Variants in FSD1L observed in about 807,000 individuals in gnomAD.
FSD1L encodes the protein fibronectin type III and SPRY domain containing 1 like, also known as FSD1-like protein.
FSD1L carries 45 observed loss-of-function variants against 71.6 expected under a neutral mutation model. The observed-to-expected ratio is 0.63, with a 90% CI of 0.49 to 0.81. FSD1L has a LOEUF of 0.81. Ranked by LOEUF, FSD1L falls within the 30% of genes least tolerant of loss-of-function variation. The probability of loss-of-function intolerance (pLI) is 0.00; values close to 1 mark genes in which losing one functional copy is unlikely to be tolerated. For missense variants in FSD1L, 561 were observed against 618.1 expected, an observed-to-expected ratio of 0.91 and a Z score of 0.98; for synonymous variants, 197 against 207.2, an observed-to-expected ratio of 0.95 and a Z score of 0.42.
intron 13 of FSD1L, among the ~76,000 whole-genome samples, chr9:105,544,265 T>C (rs542180488): frequency 1.1e-4 from 17 of 152,220 alleles, no homozygotes; most frequent in African/African-American, 4.1e-4. Context: ...TTGCCCACTT[T>C]TTGATGGGGT....
At chr9:105,498,223 A>ATTATTATTATTATTGTTG (rs770554725) in intron 7 of FSD1L, among the ~76,000 whole-genome samples, 3 of 147,168 alleles carry the variant, frequency 2.0e-5, no homozygotes, top group Admixed American at 6.8e-5. Context: ...TATTATTATT[A>ATTATTATTATTATTGTTG]TTGTTTTTAG....
chr9:105,448,087 C>A lies in FSD1L; in HGVS notation c.-134C>A. ...ACGGCGCGCGCGGTCTGGGCGCGGA[C>A]GGGTGGGGCCGGGCGGTGCCGGTGC... On this transcript the variant is annotated 5_prime_UTR_variant, in exon 1 of 14. Coordinates refer to ENST00000481272, the MANE Select transcript of FSD1L (RefSeq NM_001145313.3). The A allele has an allele frequency of 2.0e-6, 2 of 1,014,798 alleles. No homozygotes were observed. The highest frequency in any genetic ancestry group is 3.0e-6 in the Non-Finnish European group (2 of 674,664). 62.9% of individuals were successfully genotyped at this position (1,014,798 alleles called of 1,614,324 possible).
intron 7 of FSD1L, among the ~76,000 whole-genome samples, chr9:105,502,163 G>T (rs911507992): frequency 6.6e-6 from 1 of 151,910 alleles, no homozygotes; most frequent in Non-Finnish European, 1.5e-5. Flanking sequence ...TTCTTTAATT[G>T]TCTAGCTGTG....
intron 7 of FSD1L, among the ~76,000 whole-genome samples, chr9:105,487,737 G>A (rs767222647): frequency 6.6e-6 from 1 of 151,992 alleles, no homozygotes; most frequent in Non-Finnish European, 1.5e-5. Flanking sequence ...TTTAATTTTA[G>A]TGCAGTCAAA....
intron 7 of FSD1L, among the ~76,000 whole-genome samples, chr9:105,493,454 A>G (rs1323392187): frequency 6.6e-6 from 1 of 151,516 alleles, no homozygotes; most frequent in Non-Finnish European, 1.5e-5. Flanking sequence ...CTCTTTATCC[A>G]ATTTGCCAGT....
At chr9:105,516,202 T>G (rs1160760306) in intron 10 of FSD1L, among the ~76,000 whole-genome samples, 2 of 152,176 alleles carry the variant, frequency 1.3e-5, no homozygotes, top group African/African-American at 4.8e-5. Flanking sequence ...CAGGGACTTA[T>G]AGATAAAACC....
At chr9:105,520,148 C>G (rs1263828386) in intron 10 of FSD1L, 4 of 1,607,840 alleles carry the variant, frequency 2.5e-6, no homozygotes, top group South Asian at 2.2e-5. Flanking sequence ...AGAAGCCGCA[C>G]GGGGACGTGA....
chr9:105,523,268 T>G, intron 10 of FSD1L: 1 of 1,605,026 alleles, frequency 6.2e-7, no homozygotes, highest in East Asian at 2.2e-5. Context: ...CTCCTTCCCC[T>G]TCTACATTGA....
intron 5 of FSD1L, 71 bp from the exon 6 acceptor site, chr9:105,479,283 G>A (rs1297738372): frequency 8.7e-6 from 12 of 1,374,352 alleles, no homozygotes; most frequent in Non-Finnish European, 1.2e-5. Flanking sequence ...TTTCTTGCAT[G>A]TCACTGCCAT....
intron 7 of FSD1L, among the ~76,000 whole-genome samples, chr9:105,485,707 G>A (rs1353076561): frequency 1.3e-5 from 2 of 150,768 alleles, no homozygotes; most frequent in Non-Finnish European, 3.0e-5. Context: ...GCAGTGGCAC[G>A]ATCTCGGCTC....
intron 12 of FSD1L, among the ~76,000 whole-genome samples, chr9:105,535,749 T>C (rs1033898568): frequency 6.6e-6 from 1 of 152,026 alleles, no homozygotes; most frequent in African/African-American, 2.4e-5. Context: ...TATGAAAGCA[T>C]CTCATATACT....
the FSD1L span, among the ~76,000 whole-genome samples, chr9:105,442,794 C>T: frequency 6.6e-6 from 1 of 152,210 alleles, no homozygotes; most frequent in African/African-American, 2.4e-5. Flanking sequence ...TATACCTGCA[C>T]TAATGGGGAT....
chr9:105,497,972 T>C (rs1188462532), intron 7 of FSD1L, among the ~76,000 whole-genome samples: 1 of 152,036 alleles, frequency 6.6e-6, no homozygotes, highest in African/African-American at 2.4e-5. Context: ...GCCTTCTCAG[T>C]AGTTAGGACT....
chr9:105,517,155 T>C (rs1834779472), intron 10 of FSD1L, among the ~76,000 whole-genome samples: 1 of 152,084 alleles, frequency 6.6e-6, no homozygotes, highest in Non-Finnish European at 1.5e-5. Flanking sequence ...GAACAAAGGC[T>C]CCAAGAAATA....
chr9:105,448,224 G>T lies in FSD1L; in HGVS notation c.4G>T (p.Asp2Tyr). Reference sequence around the variant, plus strand: ...CCAGTGGGCTTAGCCACTCGCCATGGACTCCCAGAAAGTAAGCGGGGGAGG... The same window carrying T: ...CCAGTGGGCTTAGCCACTCGCCATGTACTCCCAGAAAGTAAGCGGGGGAGG... Reference protein sequence around the residue: MDSQKYCFKENE... With the variant: MYSQKYCFKENE... Residue 2 changes from aspartate to tyrosine, a missense_variant, in exon 1 of 14, where the codon GAC (aspartate) becomes TAC (tyrosine). By Grantham distance (160) the Asp-to-Tyr change is radical. Coordinates refer to ENST00000481272, the MANE Select transcript of FSD1L (RefSeq NM_001145313.3). 1 of 1,535,046 alleles carries T rather than the reference G, an allele frequency of 6.5e-7. No homozygotes were observed. Among genetic ancestry groups the T allele is most frequent in the Non-Finnish European group, 8.8e-7 (1 of 1,138,770 alleles).
intron 1 of FSD1L, among the ~76,000 whole-genome samples, chr9:105,460,008 C>T (rs1160852347): frequency 6.6e-6 from 1 of 152,176 alleles, no homozygotes; most frequent in Non-Finnish European, 1.5e-5. Context: ...TTGTTAAATT[C>T]AAGAGCTGTA....
intron 7 of FSD1L, among the ~76,000 whole-genome samples, chr9:105,500,323 T>A (rs1003860217): frequency 4.6e-5 from 7 of 152,154 alleles, no homozygotes; most frequent in Admixed American, 3.9e-4. Context: ...TCTCAGTCTT[T>A]TGGTGAGCCT....
chr9:105,547,803 A>T lies in FSD1L; in HGVS notation c.*1320A>T, dbSNP rs1468470643. Reference sequence around the variant, plus strand: ...ATTTAATAATTCTTTGGGCATTTTTAAGAGGTCTGAATTTGTATTTTTCTT... The same window carrying T: ...ATTTAATAATTCTTTGGGCATTTTTTAGAGGTCTGAATTTGTATTTTTCTT... On this transcript the variant is annotated 3_prime_UTR_variant, in exon 14 of 14. Coordinates refer to ENST00000481272, the MANE Select transcript of FSD1L (RefSeq NM_001145313.3). The T allele has an allele frequency of 6.6e-6, 1 of 152,112 alleles. No homozygotes were observed. Among genetic ancestry groups the T allele is most frequent in the Non-Finnish European group, 1.5e-5 (1 of 67,956 alleles). The allele number at this position is 152,112 out of a possible 1,614,324, so 9.4% of individuals were successfully genotyped here.
At chr9:105,461,435 A>C (rs1278756758) in intron 1 of FSD1L, 85 bp from the exon 2 acceptor site, 1 of 557,126 alleles carries the variant, frequency 1.8e-6, no homozygotes, top group Non-Finnish European at 3.1e-6. Flanking sequence ...TCTATTAAAT[A>C]AAATATTAAA....
Sources: allele counts gnomAD v4.1 joint callset (sites outside exome capture counted in the v4.1 genomes callset), GRCh38; gene constraint gnomAD v4.1.1; transcripts MANE v1.5; gene names NCBI Gene and HGNC (gene_info 2026-07-23, HGNC 2026-07-21).